ANKFY1: variants seen among roughly 807,000 people sequenced by gnomAD.
The protein encoded by ANKFY1 is ankyrin repeat and FYVE domain containing 1, also known as ankyrin repeat and FYVE domain-containing protein 1.
In ANKFY1, 47 loss-of-function variants were observed where a neutral mutation model predicts 128.3. That is an observed-to-expected ratio of 0.37 (90% CI 0.29 to 0.47). The LOEUF (loss-of-function observed/expected upper bound fraction) is 0.47, where lower values mean the gene tolerates loss of function less well. Ranked by LOEUF, ANKFY1 falls within the 20% of genes least tolerant of loss-of-function variation. The pLI is 1.00. For missense variants in ANKFY1, 1,222 were observed against 1,510.6 expected (o/e 0.81, Z 3.17); for synonymous variants, 553 against 601.6 (o/e 0.92, Z 1.18).
intron 3 of ANKFY1, among the ~76,000 whole-genome samples, chr17:4,224,470 TA>T (rs1313416170): frequency 6.6e-6 from 1 of 152,046 alleles, no homozygotes; most frequent in East Asian, 1.9e-4. Context: ...TTTTTATCAC[TA>T]CTCTTGGAAA....
intron 3 of ANKFY1, chr17:4,223,476 C>A: frequency 8.7e-7 from 1 of 1,154,144 alleles, no homozygotes; most frequent in South Asian, 1.2e-5. Context: ...ACAGACAATG[C>A]CGTCTCATGG....
At chr17:4,197,751 C>T (rs568885720) in intron 7 of ANKFY1, among the ~76,000 whole-genome samples, 174 bp from the exon 8 acceptor site, 59 of 152,274 alleles carry the variant, frequency 3.9e-4, no homozygotes, top group African/African-American at 9.1e-4. Flanking sequence ...GAGTTACAGA[C>T]GAATTCAAAA....
rs79132639 is a variant in ANKFY1, at chr17:4,247,125, A to G, written c.11-4677T>C. On this transcript the variant is annotated intron_variant, in intron 1 of 24. Transcript: ENST00000341657. ...GAGAGACCCTGTCTTAAAAAAAAAA[A>G]AGAGAGAAAAAGAAAAAGAAAAAAA... Among the ~76,000 whole-genome samples, 102 of 151,656 alleles carry G rather than the reference A, an allele frequency of 6.7e-4. No individual in the cohort carries two copies. In the East Asian group the frequency reaches 0.015, roughly 22 times the overall value.
At chr17:4,199,277 C>T (rs974818767) in intron 7 of ANKFY1, among the ~76,000 whole-genome samples, 1 of 152,264 alleles carries the variant, frequency 6.6e-6, no homozygotes, top group Non-Finnish European at 1.5e-5. Flanking sequence ...GCAGACTCAA[C>T]TTCTTGGCTC....
chr17:4,197,706 G>A, intron 7 of ANKFY1, 129 bp from the exon 8 acceptor site: 1 of 813,096 alleles, frequency 1.2e-6, no homozygotes, highest in East Asian at 2.7e-5. Context: ...GGAACCTCTT[G>A]GGGCATCTGT....
At chr17:4,177,024 C>T (rs2059421770) in intron 19 of ANKFY1, 102 bp downstream of exon 19, 1 of 1,261,926 alleles carries the variant, frequency 7.9e-7, no homozygotes, top group Non-Finnish European at 1.0e-6. Context: ...TCCCCAGGTG[C>T]TTTCACAACA....
At position 4,208,331 on chromosome 17, in the gene ANKFY1, A is replaced by T. The variant is rs2060063399; in HGVS notation, c.583-249T>A. Among the ~76,000 whole-genome samples the T allele has an allele frequency of 2.0e-5, 3 of 152,198 alleles. No homozygotes were observed. The South Asian group carries it at 6.2e-4, about 32-fold the overall frequency. ...TCAGACAGTCCTTAAATGGCTGGGG[A>T]ACCAGAAGGCTGACGTTCCGAGCCT... On this transcript the variant is annotated intron_variant, in intron 5 of 24. Coordinates refer to ENST00000341657, the MANE Select transcript of ANKFY1 (RefSeq NM_001330063.2).
intron 8 of ANKFY1, among the ~76,000 whole-genome samples, chr17:4,196,875 T>C (rs2059833930): frequency 6.6e-6 from 1 of 152,222 alleles, no homozygotes; most frequent in Non-Finnish European, 1.5e-5. Flanking sequence ...ATCCCAGCAC[T>C]TTGGGAGACC....
At chr17:4,257,571 G>A (rs1968192731) in intron 1 of ANKFY1, among the ~76,000 whole-genome samples, 1 of 152,084 alleles carries the variant, frequency 6.6e-6, no homozygotes, top group Non-Finnish European at 1.5e-5. Context: ...TTCAAGCAAT[G>A]TCTCCTGCAA....
At chr17:4,186,170 AAC>A (rs1260725139) in intron 11 of ANKFY1, among the ~76,000 whole-genome samples, 1 of 152,094 alleles carries the variant, frequency 6.6e-6, no homozygotes, top group African/African-American at 2.4e-5. Flanking sequence ...TCCGTATGTA[AAC>A]ACACACACTG....
chr17:4,181,749 C>T lies in ANKFY1; in HGVS notation c.2122-377G>A, dbSNP rs1167794883. Among the ~76,000 whole-genome samples, 2 of 152,198 alleles carry T rather than the reference C, an allele frequency of 1.3e-5. No homozygotes were observed. The highest frequency in any genetic ancestry group is 1.3e-4 in the Admixed American group (2 of 15,266). Reference sequence around the variant, plus strand: ...AATCTCAACAACTAGGTAAAACCTCCAGGTGCACAACGCCTTCATATCACA... The same window carrying T: ...AATCTCAACAACTAGGTAAAACCTCTAGGTGCACAACGCCTTCATATCACA... On this transcript the variant is annotated intron_variant, in intron 15 of 24. Coordinates refer to ENST00000341657, the MANE Select transcript of ANKFY1 (RefSeq NM_001330063.2). The surrounding 1 kb of genome is among the most constrained non-coding windows in gnomAD (Gnocchi z 4.9).
intron 7 of ANKFY1, among the ~76,000 whole-genome samples, chr17:4,204,858 C>T (rs1180601782): frequency 2.0e-5 from 3 of 152,170 alleles, no homozygotes; most frequent in Non-Finnish European, 4.4e-5. Context: ...CATAACGGTG[C>T]TTGAGGAAGA....
chr17:4,210,046 T>C, intron 4 of ANKFY1, 99 bp from the exon 5 acceptor site: 1 of 1,134,802 alleles, frequency 8.8e-7, no homozygotes, highest in Non-Finnish European at 1.3e-6. Flanking sequence ...CTATGTCCTA[T>C]TAATAACACT....
chr17:4,175,783 G>C (rs927364694), intron 19 of ANKFY1, among the ~76,000 whole-genome samples: 1 of 152,188 alleles, frequency 6.6e-6, no homozygotes, highest in Non-Finnish European at 1.5e-5. Flanking sequence ...TGGCCCCACA[G>C]CTGGTTAACT....
intron 2 of ANKFY1, among the ~76,000 whole-genome samples, chr17:4,236,445 TA>T (rs1966909458): frequency 6.6e-6 from 1 of 152,252 alleles, no homozygotes; most frequent in African/African-American, 2.4e-5. Flanking sequence ...GACCATTTTT[TA>T]CTCAACTACT....
intron 22 of ANKFY1, 80 bp downstream of exon 22, chr17:4,172,476 C>A: frequency 1.9e-6 from 3 of 1,552,214 alleles, no homozygotes; most frequent in Non-Finnish European, 1.7e-6. Context: ...CCTCAGATAA[C>A]GACGTGTGCC....
chr17:4,174,243 G>A (rs527962931), intron 19 of ANKFY1, among the ~76,000 whole-genome samples, 187 bp from the exon 20 acceptor site: 1 of 152,292 alleles, frequency 6.6e-6, no homozygotes, highest in South Asian at 2.1e-4. Flanking sequence ...CCGTGCCAAG[G>A]GCAAACTGGC....
rs1430686204 is a variant in ANKFY1 at position 4,181,130 on chromosome 17, C to A, written c.2240+124G>T. On this transcript the variant is annotated intron_variant, in intron 16 of 24. Coordinates refer to ENST00000341657, the MANE Select transcript of ANKFY1 (RefSeq NM_001330063.2). This position sits in a 1 kb window ranked among gnomAD's most constrained non-coding sequence, Gnocchi z 4.9. Reference sequence around the variant, plus strand: ...TGACAGAACAGTGACTCTCTGATAACCTTAACTGTGAAAGTCAAGCCGGCT... The same window carrying A: ...TGACAGAACAGTGACTCTCTGATAAACTTAACTGTGAAAGTCAAGCCGGCT... 1.2e-5 allele frequency: 9 copies of A among 764,514 alleles called. No homozygotes were observed. The Admixed American group carries it at 1.4e-4, about 12-fold the overall frequency. The allele number at this position is 764,514 out of a possible 1,614,324, so 47.4% of individuals were successfully genotyped here.
intron 10 of ANKFY1, chr17:4,191,422 T>C (rs2059714894): frequency 6.6e-6 from 1 of 152,098 alleles, no homozygotes; most frequent in African/African-American, 2.4e-5. Context: ...GTTGCTCTAA[T>C]CTGGAGATGC....
Sources: allele counts gnomAD v4.1 joint callset (sites outside exome capture counted in the v4.1 genomes callset), GRCh38; gene constraint gnomAD v4.1.1; non-coding constraint Gnocchi (gnomAD v3.1); transcripts MANE v1.5; gene names NCBI Gene and HGNC (gene_info 2026-07-23, HGNC 2026-07-21).